The following MALRD1 variants were observed in gnomAD, a reference collection of about 807,000 sequenced individuals.
The protein encoded by MALRD1 is MAM and LDL receptor class A domain containing 1, also known as MAM and LDL-receptor class A domain-containing protein 1.
In MALRD1, 247 loss-of-function variants were observed where a neutral mutation model predicts 242.1. The ratio of observed to expected loss-of-function variants is 1.02; its 90% CI spans 0.92 to 1.13. The LOEUF (loss-of-function observed/expected upper bound fraction) is 1.13. MALRD1 is among the 50% of genes most tolerant of loss of function. The pLI is 0.00. For missense variants in MALRD1, 2,989 were observed against 2,533.1 expected, an observed-to-expected ratio of 1.18 and a Z score of -3.86; for synonymous variants, 995 against 866.6, an observed-to-expected ratio of 1.15 and a Z score of -2.60.
Position 19,217,831 on chromosome 10 carries a change from C to T in MALRD1, c.2991+8151C>T, listed in dbSNP as rs369569921. 9.2e-4 allele frequency among the ~76,000 whole-genome samples: 140 copies of T among 152,206 alleles called. 2 individuals carry two copies. The highest frequency in any genetic ancestry group is 5.0e-3 in the South Asian group (24 of 4,794). On this transcript the variant is annotated intron_variant, in intron 18 of 39. Transcript: ENST00000454679. Reference sequence around the variant, plus strand: ...GAGCCACCGCTCCCAATCAATCATGCGGTCTTTATACTTACTTGTTTACTT... The same window carrying T: ...GAGCCACCGCTCCCAATCAATCATGTGGTCTTTATACTTACTTGTTTACTT...
At chr10:19,547,756 G>A (rs1239526276) in intron 32 of MALRD1, among the ~76,000 whole-genome samples, 1 of 100,642 alleles carries the variant, frequency 9.9e-6, no homozygotes, top group Admixed American at 1.5e-4. Flanking sequence ...TCATTTTATT[G>A]TACTCCATTT....
At chr10:19,692,022 A>G (rs747065284) in intron 36 of MALRD1, among the ~76,000 whole-genome samples, 6 of 152,188 alleles carry the variant, frequency 3.9e-5, no homozygotes, top group Admixed American at 1.3e-4. Context: ...AAAACAAAGA[A>G]CGATGTGGAA....
At chr10:19,556,660 G>A (rs1835731833) in intron 32 of MALRD1, among the ~76,000 whole-genome samples, 1 of 152,068 alleles carries the variant, frequency 6.6e-6, no homozygotes. Flanking sequence ...TTATTCACCA[G>A]TTCAAAGACA....
chr10:19,203,216 A>T (rs543661787), intron 14 of MALRD1, among the ~76,000 whole-genome samples: 1 of 152,164 alleles, frequency 6.6e-6, no homozygotes, highest in Non-Finnish European at 1.5e-5. Context: ...TGCACCAATT[A>T]GGCAATGCAT....
At chr10:19,622,021 A>G (rs1455838168) in intron 36 of MALRD1, among the ~76,000 whole-genome samples, 1 of 151,984 alleles carries the variant, frequency 6.6e-6, no homozygotes, top group African/African-American at 2.4e-5. Context: ...TTTTTTAAGT[A>G]TGGTAAAGTC....
intron 14 of MALRD1, among the ~76,000 whole-genome samples, chr10:19,178,341 A>T (rs1300370858): frequency 3.3e-5 from 5 of 152,160 alleles, no homozygotes; most frequent in Non-Finnish European, 7.4e-5. Context: ...TCATTTGTGG[A>T]GTTCAGTATT....
intron 28 of MALRD1, among the ~76,000 whole-genome samples, chr10:19,396,828 G>A (rs1564304401): frequency 6.6e-6 from 1 of 152,044 alleles, no homozygotes; most frequent in East Asian, 1.9e-4. Context: ...AACTTCAGCA[G>A]TTTTGTTTTT....
chr10:19,161,110 C>T (rs2131487386), intron 12 of MALRD1, among the ~76,000 whole-genome samples: 1 of 140,328 alleles, frequency 7.1e-6, no homozygotes, highest in African/African-American at 2.7e-5. Flanking sequence ...ACCCAAATGT[C>T]CAACAATGAT....
rs1162198325 is a variant in MALRD1, at chr10:19,088,583, TTA to T, written c.597+400_597+401del. Among the ~76,000 whole-genome samples, 13 of 66,300 alleles carry T rather than the reference TTA, an allele frequency of 2.0e-4. 1 individual carries two copies. Among genetic ancestry groups the T allele is most frequent in the African/African-American group, 6.4e-4 (10 of 15,608 alleles). The allele number at this position is 66,300 out of a possible 152,430, so 43.5% of individuals were successfully genotyped here. ...ATAAAGTTTTTTTTTATTTATTTAT[TTA>T]TTTATTTTTTTTTATTATACTCTAA... On this transcript the variant is annotated intron_variant, in intron 4 of 39. Coordinates refer to ENST00000454679, the MANE Select transcript of MALRD1 (RefSeq NM_001142308.3).
At chr10:19,345,289 A>G (rs1414830000) in intron 24 of MALRD1, among the ~76,000 whole-genome samples, 1 of 152,156 alleles carries the variant, frequency 6.6e-6, no homozygotes, top group African/African-American at 2.4e-5. Flanking sequence ...AGCAGCACAC[A>G]TTATTTTCTT....
At chr10:19,057,648 CATGACAAGACT>C (rs1424772875) in intron 1 of MALRD1, among the ~76,000 whole-genome samples, 2 of 152,132 alleles carry the variant, frequency 1.3e-5, no homozygotes, top group African/African-American at 4.8e-5. Context: ...AAAAAAGACT[CATGACAAGACT>C]ATGCTTCTTA....
chr10:19,268,942 C>T (rs1840080741), intron 19 of MALRD1, among the ~76,000 whole-genome samples: 1 of 152,078 alleles, frequency 6.6e-6, no homozygotes, highest in African/African-American at 2.4e-5. Context: ...TAGTTTGGTT[C>T]CCCTGTGGCT....
intron 32 of MALRD1, among the ~76,000 whole-genome samples, chr10:19,531,694 G>A (rs1005511259): frequency 1.3e-5 from 2 of 152,186 alleles, no homozygotes; most frequent in South Asian, 2.1e-4. Context: ...ATGCATAATG[G>A]TGAGGAAGAT....
At chr10:19,690,030 G>C (rs1842753204) in intron 36 of MALRD1, among the ~76,000 whole-genome samples, 1 of 151,962 alleles carries the variant, frequency 6.6e-6, no homozygotes. Context: ...AAATCATTTT[G>C]TTTCAAGATG....
At position 19,165,532 on chromosome 10, in the gene MALRD1, G is replaced by A. The variant is rs371305405; in HGVS notation, c.1657-105G>A. 92 of 873,102 alleles carry A rather than the reference G, an allele frequency of 1.1e-4. No homozygotes were observed. In the African/African-American group the frequency reaches 1.2e-3, roughly 12 times the overall value. The allele number at this position is 873,102 out of a possible 1,614,324, so 54.1% of individuals were successfully genotyped here. A position where few individuals can be genotyped will look rare whatever the true frequency, so the allele number is the denominator to read the frequency against. Reference sequence around the variant, plus strand: ...TGTAATCCCAGCACTTTGGGAGGCCGAGGCAGGCAGATCACCTGAGGTCAG... The same window carrying A: ...TGTAATCCCAGCACTTTGGGAGGCCAAGGCAGGCAGATCACCTGAGGTCAG... On this transcript the variant is annotated intron_variant, in intron 12 of 39. Transcript: ENST00000454679.
intron 36 of MALRD1, among the ~76,000 whole-genome samples, chr10:19,631,678 A>T (rs1284964947): frequency 6.6e-6 from 1 of 152,142 alleles, no homozygotes; most frequent in Non-Finnish European, 1.5e-5. Context: ...TTTTAATAAT[A>T]GCCATTCTGA....
In MALRD1 at chr10:19,241,030, G is replaced by A. The variant is rs1031298591; in HGVS notation, c.2992-16654G>A. 1.5e-4 allele frequency among the ~76,000 whole-genome samples: 23 copies of A among 151,930 alleles called. 1 individual carries two copies. Among genetic ancestry groups the A allele is most frequent in the Admixed American group, 5.9e-4 (9 of 15,236 alleles). On this transcript the variant is annotated intron_variant, in intron 18 of 39. Transcript: ENST00000454679. ...AATATTGGCCTGTTATTTTCATTTT[G>A]TGCGTGTCTTTGTCTGGTTTTAGAA...
chr10:19,712,455 G>T (rs571912175), intron 38 of MALRD1, among the ~76,000 whole-genome samples: 1 of 152,134 alleles, frequency 6.6e-6, no homozygotes, highest in South Asian at 2.1e-4. Context: ...TGAGATATAT[G>T]TAAAGGAATT....
Position 19,292,798 on chromosome 10 carries a change from C to G in MALRD1, c.3419+9617C>G, listed in dbSNP as rs1841509601. Among the ~76,000 whole-genome samples the G allele has an allele frequency of 2.7e-5, 4 of 147,832 alleles. No individual in the cohort carries two copies. In the South Asian group the frequency reaches 8.5e-4, roughly 31 times the overall value. On this transcript the variant is annotated intron_variant, in intron 21 of 39. Coordinates refer to ENST00000454679, the MANE Select transcript of MALRD1 (RefSeq NM_001142308.3). ...GTCCCAGCTACTCGGGAGGCTGAGG[C>G]AGGAGAATGGTGTGAACCTGGGAGG...
Sources: gnomAD v4.1 joint callset for allele counts (sites outside exome capture counted in the v4.1 genomes callset) on GRCh38, gnomAD v4.1.1 for gene constraint, MANE v1.5 for transcripts, NCBI Gene and HGNC (gene_info 2026-07-23, HGNC 2026-07-21) for gene names.